The following KAT6A variants were observed in gnomAD, a reference collection of about 807,000 sequenced individuals.
KAT6A encodes the protein lysine acetyltransferase 6A, also known as histone acetyltransferase KAT6A.
A neutral mutation model predicts 198.4 loss-of-function variants in KAT6A; 9 were observed. The ratio of observed to expected loss-of-function variants is 0.05; its 90% CI spans 0.03 to 0.08. KAT6A has a LOEUF of 0.08. KAT6A is among the 10% of genes least tolerant of loss of function. The probability of loss-of-function intolerance (pLI) is 1.00; values close to 1 mark genes in which losing one functional copy is unlikely to be tolerated. For missense variants in KAT6A, 2,077 were observed against 2,509.9 expected, an observed-to-expected ratio of 0.83 and a Z score of 3.69; for synonymous variants, 890 against 883.0, an observed-to-expected ratio of 1.01 and a Z score of -0.14.
At chr8:41,987,652 C>A in intron 2 of KAT6A, 89 bp from the exon 3 acceptor site, 4 of 829,238 alleles carry the variant, frequency 4.8e-6, no homozygotes, top group Non-Finnish European at 7.9e-6. Flanking sequence ...TAAATTCCTA[C>A]CAGAGTAAGT....
chr8:41,933,865 G>A lies in KAT6A; in HGVS notation c.4355C>T (p.Ala1452Val), dbSNP rs771808822. Residue 1452 changes from alanine (A) to valine (V), a missense_variant, in exon 17 of 17, where the codon GCG becomes GTG. Physicochemically the swap from Ala to Val is moderately conservative, Grantham distance 64. This residue lies in a region of KAT6A where 178 missense variants were observed against 220.8 expected (regional missense o/e 0.81). Coordinates refer to ENST00000265713, the MANE Select transcript of KAT6A (RefSeq NM_006766.5). This position sits in a 1 kb window ranked among gnomAD's most constrained non-coding sequence, Gnocchi z 6.2. The stretch of plus-strand genomic sequence containing the variant: ...GGTGTAACTCTGCAGGGTCTGACAC[G>A]CCGCAAGAGTTTCCTCACAGTCCTG... ...AYQDCEETLAACQTLQSYTQA... is the reference protein window; with the variant it reads ...AYQDCEETLAVCQTLQSYTQA... 12 of 1,614,032 alleles carry A rather than the reference G, an allele frequency of 7.4e-6. No homozygotes were observed. The highest frequency in any genetic ancestry group is 1.0e-5 in the Non-Finnish European group (12 of 1,180,028).
At chr8:41,991,481 T>C (rs529718316) in intron 2 of KAT6A, among the ~76,000 whole-genome samples, 1 of 152,202 alleles carries the variant, frequency 6.6e-6, no homozygotes, top group South Asian at 2.1e-4. Context: ...CAGTAGTGAA[T>C]TGTAAACAGA....
intron 8 of KAT6A, among the ~76,000 whole-genome samples, chr8:41,960,405 TA>T (rs1823147564): frequency 7.2e-6 from 1 of 139,568 alleles, no homozygotes; most frequent in East Asian, 2.2e-4. Flanking sequence ...CCGTCTCTAC[TA>T]AAAATACAAA....
intron 2 of KAT6A, among the ~76,000 whole-genome samples, chr8:42,008,391 G>A (rs756340940): frequency 4.6e-5 from 7 of 152,238 alleles, no homozygotes; most frequent in Non-Finnish European, 1.0e-4. Context: ...AGGCTGGAGT[G>A]CAGTGGCACA....
intron 2 of KAT6A, among the ~76,000 whole-genome samples, chr8:41,995,056 C>CAAAAAA (rs368613057): frequency 3.2e-5 from 4 of 124,612 alleles, no homozygotes; most frequent in Non-Finnish European, 6.9e-5. Context: ...GACTCCATCT[C>CAAAAAA]AAAAAAAAAA....
At chr8:42,035,398 C>G (rs1319626927) in intron 2 of KAT6A, among the ~76,000 whole-genome samples, 1 of 152,112 alleles carries the variant, frequency 6.6e-6, no homozygotes, top group African/African-American at 2.4e-5. Flanking sequence ...CAGAAGAGAG[C>G]TCTCAAATTA....
At chr8:41,968,567 C>T (rs868103624) in intron 8 of KAT6A, among the ~76,000 whole-genome samples, 44 of 152,256 alleles carry the variant, frequency 2.9e-4, no homozygotes, top group Middle Eastern at 3.4e-3. Flanking sequence ...GTCAGTGTGG[C>T]GATTCCTCAG....
chr8:42,011,838 C>G (rs143066567), intron 2 of KAT6A, among the ~76,000 whole-genome samples: 1 of 150,794 alleles, frequency 6.6e-6, no homozygotes, highest in East Asian at 1.9e-4. Flanking sequence ...CTTCCCAATT[C>G]CCTGGAGCCC....
chr8:41,946,811 C>G (rs1333836561), intron 11 of KAT6A, 127 bp from the exon 12 acceptor site: 2 of 624,540 alleles, frequency 3.2e-6, no homozygotes, highest in African/African-American at 1.9e-5. Context: ...CAACGTACAT[C>G]AACAAACAAC....
At chr8:41,992,165 C>T (rs1824979721) in intron 2 of KAT6A, among the ~76,000 whole-genome samples, 1 of 151,316 alleles carries the variant, frequency 6.6e-6, no homozygotes, top group South Asian at 2.1e-4. Flanking sequence ...CATGCCACTG[C>T]ACCCCAGCCT....
intron 2 of KAT6A, among the ~76,000 whole-genome samples, chr8:41,991,632 C>A (rs76286287): frequency 0.1 from 15,585 of 151,912 alleles, 1,038 homozygotes; most frequent in East Asian, 0.25. Context: ...TTAAATTAAT[C>A]AAAAAATATA....
chr8:42,044,771 C>T (rs1301077132), intron 2 of KAT6A, among the ~76,000 whole-genome samples: 1 of 152,164 alleles, frequency 6.6e-6, no homozygotes, highest in East Asian at 1.9e-4. Flanking sequence ...GAGTGCCTGG[C>T]CCACAGTAGG....
rs1821748406 is a variant in KAT6A at position 41,934,506 on chromosome 8, C to T, written c.3714G>A (p.Glu1238=). 1 of 1,612,998 alleles carries T rather than the reference C, an allele frequency of 6.2e-7. No homozygotes were observed. The highest frequency in any genetic ancestry group is 1.3e-5 in the African/African-American group (1 of 74,846). The change falls in exon 17 of 17, where the codon GAG becomes GAA. Residue 1238 remains glutamate, a synonymous_variant. Coordinates refer to ENST00000265713, the MANE Select transcript of KAT6A (RefSeq NM_006766.5). The part of the protein sequence containing the change: ...EMQAEAEEAE[E]GEEEDAASSE... ...TGCTGGCTGCATCCTCTTCCTCACC[C>T]TCTTCAGCCTCTTCTGCCTCTGCTT...
rs903857083 is a variant in KAT6A at position 41,930,148 on chromosome 8, A to G, written c.*2057T>C. 8.6e-6 allele frequency: 2 copies of G among 232,312 alleles called. No individual in the cohort carries two copies. Among genetic ancestry groups the G allele is most frequent in the Admixed American group, 1.1e-4 (2 of 17,678 alleles). 14.4% of individuals were successfully genotyped at this position (232,312 alleles called of 1,614,324 possible). On this transcript the variant is annotated 3_prime_UTR_variant, in exon 17 of 17. Transcript: ENST00000265713. ...TTTTTATAAAGAAACAAACAAAACC[A>G]AACACAACCGCAAACCAACAGAAAC...
chr8:41,934,737 G>A lies in KAT6A; in HGVS notation c.3483C>T (p.Ile1161=), dbSNP rs576278446. Residue 1161 remains isoleucine, a synonymous_variant, in exon 17 of 17, where the codon ATC becomes ATT. Transcript: ENST00000265713. ...GWPKGKSRKP[I]HWKKRPGRKP... ...TTCGACCAGGTCTTTTCTTCCAGTG[G>A]ATTGGTTTGCGGCTCTTGCCTTTGG... is the stretch of plus-strand genomic sequence containing the variant. 6.2e-7 allele frequency: 1 copy of A among 1,614,150 alleles called. No individual in the cohort carries two copies. The highest frequency in any genetic ancestry group is 1.1e-5 in the South Asian group (1 of 91,080).
chr8:42,029,311 T>C (rs1190480976), intron 2 of KAT6A, among the ~76,000 whole-genome samples: 1 of 152,210 alleles, frequency 6.6e-6, no homozygotes, highest in Non-Finnish European at 1.5e-5. Context: ...AATCTGTATG[T>C]CTGTATCTTT....
At chr8:41,990,817 C>T (rs1448569976) in intron 2 of KAT6A, among the ~76,000 whole-genome samples, 1 of 151,934 alleles carries the variant, frequency 6.6e-6, no homozygotes, top group Non-Finnish European at 1.5e-5. Context: ...CATGGTAAAA[C>T]CCCGTCTCTA....
At chr8:41,952,774 CT>C (rs1482016848) in intron 9 of KAT6A, among the ~76,000 whole-genome samples, 2 of 152,080 alleles carry the variant, frequency 1.3e-5, no homozygotes, top group Admixed American at 1.3e-4. Context: ...AATGTAAGAT[CT>C]CCAAACATTT....
At chr8:41,995,733 A>G (rs1825171883) in intron 2 of KAT6A, among the ~76,000 whole-genome samples, 1 of 141,794 alleles carries the variant, frequency 7.1e-6, no homozygotes. Context: ...CGGGAGTGCA[A>G]TGAGGTGATC....
Sources: gnomAD v4.1 joint callset for allele counts (sites outside exome capture counted in the v4.1 genomes callset) on GRCh38, gnomAD v4.1.1 for gene constraint, gnomAD v4.1.1 regional missense constraint, Gnocchi (gnomAD v3.1) non-coding constraint, MANE v1.5 for transcripts, NCBI Gene and HGNC (gene_info 2026-07-23, HGNC 2026-07-21) for gene names.